The following GNG12 variants were observed in gnomAD, a reference collection of about 807,000 sequenced individuals.
The protein encoded by GNG12 is G protein subunit gamma 12.
For synonymous variants in GNG12, 28 were observed against 29.7 expected (o/e 0.94, Z 0.19); for missense variants, 69 against 83.8 (o/e 0.82, Z 0.69).
chr1:67,768,735 T>C (rs1423271567), intron 2 of GNG12, among the ~76,000 whole-genome samples: 2 of 152,180 alleles, frequency 1.3e-5, no homozygotes, highest in African/African-American at 2.4e-5. Context: ...TCTCAATAGA[T>C]AAGGAAAGTT....
At chr1:67,780,330 TC>T (rs763484778) in intron 1 of GNG12, among the ~76,000 whole-genome samples, 42 of 152,178 alleles carry the variant, frequency 2.8e-4, no homozygotes, top group Non-Finnish European at 6.2e-4. Flanking sequence ...ACAATTTGGT[TC>T]TAGACTTCAC....
At chr1:67,786,935 A>ATG (rs60096043) in intron 1 of GNG12, among the ~76,000 whole-genome samples, 1,697 of 133,192 alleles carry the variant, frequency 0.013, 15 homozygotes, top group Admixed American at 0.015. Context: ...TTATATATAT[A>ATG]TGTGTGTGTG....
chr1:67,724,579 G>A (rs957971579), intron 2 of GNG12, among the ~76,000 whole-genome samples: 26 of 152,092 alleles, frequency 1.7e-4, no homozygotes, highest in Admixed American at 1.7e-3. Context: ...TAGTAGAGAT[G>A]GGGTTTCACC....
At chr1:67,743,729 C>T (rs1024705814) in intron 2 of GNG12, among the ~76,000 whole-genome samples, 1 of 152,174 alleles carries the variant, frequency 6.6e-6, no homozygotes, top group Admixed American at 6.6e-5. Context: ...TGCTGTAATG[C>T]TTAAGACACT....
At chr1:67,709,261 T>C (rs1294425159) in intron 2 of GNG12, among the ~76,000 whole-genome samples, 1 of 152,198 alleles carries the variant, frequency 6.6e-6, no homozygotes, top group African/African-American at 2.4e-5. Flanking sequence ...CTAGTATTTT[T>C]ATCCTTGGGG....
At chr1:67,810,322 C>T (rs1557624840) in intron 1 of GNG12, among the ~76,000 whole-genome samples, 2 of 152,190 alleles carry the variant, frequency 1.3e-5, no homozygotes, top group Non-Finnish European at 2.9e-5. Context: ...TATAATACTA[C>T]ACTGGTGAAT....
intron 2 of GNG12, among the ~76,000 whole-genome samples, chr1:67,749,782 C>T (rs1419271542): frequency 6.6e-6 from 1 of 152,130 alleles, no homozygotes; most frequent in Non-Finnish European, 1.5e-5. Context: ...GAATTTTTAT[C>T]CACAACTTGT....
intron 1 of GNG12, among the ~76,000 whole-genome samples, chr1:67,785,584 C>T (rs1194115344): frequency 2.0e-5 from 3 of 152,058 alleles, no homozygotes; most frequent in African/African-American, 4.8e-5. Flanking sequence ...TGGAGGAGCA[C>T]TCGTTCGATG....
intron 2 of GNG12, among the ~76,000 whole-genome samples, chr1:67,736,901 C>T (rs1646455644): frequency 6.6e-6 from 1 of 152,200 alleles, no homozygotes; most frequent in East Asian, 1.9e-4. Context: ...TGTGTGCCTG[C>T]TAATGTCCAC....
At chr1:67,743,678 T>G (rs1646494492) in intron 2 of GNG12, among the ~76,000 whole-genome samples, 1 of 152,210 alleles carries the variant, frequency 6.6e-6, no homozygotes. Flanking sequence ...ATGGCATATA[T>G]TTTTAAAACT....
chr1:67,751,542 G>C (rs1054560885), intron 2 of GNG12, among the ~76,000 whole-genome samples: 1 of 152,182 alleles, frequency 6.6e-6, no homozygotes, highest in Non-Finnish European at 1.5e-5. Context: ...CCCCTGTCCA[G>C]GGTGGGGTCT....
chr1:67,821,969 CA>C (rs1646987397), intron 1 of GNG12, among the ~76,000 whole-genome samples: 1 of 151,802 alleles, frequency 6.6e-6, no homozygotes, highest in South Asian at 2.1e-4. Context: ...AGCTCTAAAC[CA>C]GGGGTGTCCA....
At chr1:67,722,620 G>A (rs1365776569) in intron 2 of GNG12, among the ~76,000 whole-genome samples, 1 of 151,546 alleles carries the variant, frequency 6.6e-6, no homozygotes, top group Non-Finnish European at 1.5e-5. Context: ...GTGGGGGTGG[G>A]GAGAATTTCA....
intron 2 of GNG12, among the ~76,000 whole-genome samples, chr1:67,743,540 T>C (rs1218676060): frequency 6.6e-6 from 1 of 152,186 alleles, no homozygotes; most frequent in South Asian, 2.1e-4. Context: ...CAGGCCAGAA[T>C]GCCTTTGCAT....
intron 2 of GNG12, among the ~76,000 whole-genome samples, chr1:67,727,529 C>A (rs1646393559): frequency 6.6e-6 from 1 of 152,178 alleles, no homozygotes; most frequent in African/African-American, 2.4e-5. Context: ...ATGAGCAGAT[C>A]CGGCATTCGC....
chr1:67,731,152 C>G (rs1023324019), intron 2 of GNG12, among the ~76,000 whole-genome samples: 5 of 152,102 alleles, frequency 3.3e-5, no homozygotes, highest in Non-Finnish European at 5.9e-5. Context: ...ACTTCCCCCT[C>G]TTGAGATTCT....
chr1:67,744,803 C>A (rs1294054146), intron 2 of GNG12, among the ~76,000 whole-genome samples: 1 of 152,078 alleles, frequency 6.6e-6, no homozygotes, highest in Non-Finnish European at 1.5e-5. Context: ...AGGGGTAGAT[C>A]CGGCATTTGA....
chr1:67,774,607 C>T (rs1646693766), intron 2 of GNG12, among the ~76,000 whole-genome samples: 1 of 152,170 alleles, frequency 6.6e-6, no homozygotes, highest in South Asian at 2.1e-4. Context: ...CTCACCTTCC[C>T]TACGCTCCAT....
At chr1:67,730,438 G>A (rs1299025373) in intron 2 of GNG12, among the ~76,000 whole-genome samples, 1 of 152,186 alleles carries the variant, frequency 6.6e-6, no homozygotes, top group African/African-American at 2.4e-5. Flanking sequence ...GGAGGAGGCG[G>A]AGGTTGCAGT....
Sources: allele counts gnomAD v4.1 joint callset (sites outside exome capture counted in the v4.1 genomes callset), GRCh38; gene constraint gnomAD v4.1.1; transcripts MANE v1.5; gene names NCBI Gene and HGNC (gene_info 2026-07-23, HGNC 2026-07-21).